CHD6: variants seen among roughly 807,000 people sequenced by gnomAD.
CHD6 encodes the protein ATP-dependent chromatin remodeler CHD6.
Under a neutral mutation model 276.9 loss-of-function variants are expected in CHD6, and 50 were observed. The observed-to-expected ratio is 0.18, with a 90% confidence interval of 0.14 to 0.23. The LOEUF (loss-of-function observed/expected upper bound fraction) is 0.23. CHD6 is among the 10% of genes least tolerant of loss of function. The pLI is 1.00. For missense variants in CHD6, 2,564 were observed against 3,365.8 expected, an observed-to-expected ratio of 0.76 and a Z score of 5.89; for synonymous variants, 1,173 against 1,229.3, an observed-to-expected ratio of 0.95 and a Z score of 0.96.
At chr20:41,583,260 G>A (rs1219748494) in intron 1 of CHD6, among the ~76,000 whole-genome samples, 1 of 151,962 alleles carries the variant, frequency 6.6e-6, no homozygotes, top group Non-Finnish European at 1.5e-5. Flanking sequence ...AAGTTAAACA[G>A]AAAATCTTAA....
chr20:41,481,685 T>G (rs2043298547), intron 16 of CHD6, among the ~76,000 whole-genome samples: 1 of 152,052 alleles, frequency 6.6e-6, no homozygotes. Context: ...TGCACTGACA[T>G]TTATCCTAAA....
At position 41,405,030 on chromosome 20, in the gene CHD6, C is replaced by T. The variant is rs1179703326; in HGVS notation, c.7711G>A (p.Asp2571Asn). ...GTAVTEKTAEDKPSSHDVKTD... is the reference protein window; with the variant it reads ...GTAVTEKTAENKPSSHDVKTD... Reference sequence around the variant, plus strand: ...TTCACATCATGGCTACTCGGCTTGTCTTCCGCAGTCTTTTCAGTCACTGCC... The same window carrying T: ...TTCACATCATGGCTACTCGGCTTGTTTTCCGCAGTCTTTTCAGTCACTGCC... Residue 2571 changes from aspartate (D) to asparagine (N), a missense_variant, in exon 37 of 37, where the codon GAC (aspartate) becomes AAC (asparagine). Physicochemically the swap from Asp to Asn is conservative, Grantham distance 23. Around this residue, in one of 7 missense-constraint regions of CHD6, gnomAD observed 238 missense variants for 266.0 expected, o/e 0.89. Transcript: ENST00000373233. 3 of 1,614,148 alleles carry T rather than the reference C, an allele frequency of 1.9e-6. No homozygotes were observed. The highest frequency in any genetic ancestry group is 2.5e-6 in the Non-Finnish European group (3 of 1,180,062).
chr20:41,419,554 CAAAAAAAAAAAAAAAAAAAAAAAAA>C (rs58696183), intron 31 of CHD6, among the ~76,000 whole-genome samples: 3 of 23,468 alleles, frequency 1.3e-4, no homozygotes, highest in African/African-American at 1.6e-4. Flanking sequence ...GACTCTGTCT[CAAAAAAAAAAAAAAAAAAAAAAAAA>C]AAAAAAAAAA....
At chr20:41,500,988 C>T (rs2043817203) in intron 5 of CHD6, among the ~76,000 whole-genome samples, 2 of 152,086 alleles carry the variant, frequency 1.3e-5, no homozygotes, top group African/African-American at 4.8e-5. Context: ...AGCAAAGGGC[C>T]AAAGCTAGGT....
At chr20:41,570,068 T>C (rs1277214263) in intron 1 of CHD6, among the ~76,000 whole-genome samples, 1 of 152,190 alleles carries the variant, frequency 6.6e-6, no homozygotes, top group Admixed American at 6.5e-5. Flanking sequence ...TACAACAAAT[T>C]TCCAAACTGC....
chr20:41,408,736 C>T (rs371295004), intron 36 of CHD6, among the ~76,000 whole-genome samples: 1 of 152,168 alleles, frequency 6.6e-6, no homozygotes, highest in African/African-American at 2.4e-5. Flanking sequence ...CCTCATAACT[C>T]CAGAGAGAGG....
At chr20:41,563,672 G>A (rs1466824883) in intron 1 of CHD6, among the ~76,000 whole-genome samples, 2 of 152,192 alleles carry the variant, frequency 1.3e-5, no homozygotes, top group East Asian at 1.9e-4. Context: ...AAGAACAGTA[G>A]AAGCAAGTGG....
At position 41,426,096 on chromosome 20, in the gene CHD6, C is replaced by A; in HGVS notation, c.4126G>T (p.Ala1376Ser). Residue 1376 changes from alanine (A) to serine (S), a missense_variant, in exon 28 of 37, where the codon GCA becomes TCA. Ala to Ser is a moderately conservative substitution (Grantham distance 99). Around this residue, in one of 7 missense-constraint regions of CHD6, gnomAD observed 515 missense variants for 739.5 expected, o/e 0.70. Coordinates refer to ENST00000373233, the MANE Select transcript of CHD6 (RefSeq NM_032221.5). ...VFSEKKDDSR[A>S]AQDGSDPDKS... ...CTTCAGAAGGACATAGTCTCACCTG[C>A]CCGGCTGTCATCCTTCTTTTCGCTA... is the stretch of plus-strand genomic sequence containing the variant. 1 of 1,608,638 alleles carries A rather than the reference C, an allele frequency of 6.2e-7. No homozygotes were observed. The highest frequency in any genetic ancestry group is 8.5e-7 in the Non-Finnish European group (1 of 1,174,954).
chr20:41,601,943 C>T (rs1485643849), intron 1 of CHD6, among the ~76,000 whole-genome samples: 1 of 152,194 alleles, frequency 6.6e-6, no homozygotes, highest in African/African-American at 2.4e-5. Context: ...TGAGCCTCTC[C>T]ACCCTGGCTT....
In CHD6 at chr20:41,617,866, C is replaced by CGCGGGG. The variant is rs1351013603; in HGVS notation, c.-24+468_-24+473dup. ...CAGGACGCGAATAGAGCAACTTCTC[C>CGCGGGG]GCGGGGGCGGCGGCGGGAATAGCGG... On this transcript the variant is annotated intron_variant, in intron 1 of 36. Transcript: ENST00000373233. Among the ~76,000 whole-genome samples, 43 of 151,018 alleles carry CGCGGGG rather than the reference C, an allele frequency of 2.8e-4. No homozygotes were observed. In the East Asian group the frequency reaches 4.9e-3, roughly 17 times the overall value.
intron 1 of CHD6, among the ~76,000 whole-genome samples, chr20:41,556,648 A>G (rs2045242133): frequency 6.6e-6 from 1 of 152,248 alleles, no homozygotes; most frequent in South Asian, 2.1e-4. Context: ...AGTTCACTGA[A>G]AGCAGACTCT....
At chr20:41,490,436 A>G (rs8183115) in intron 11 of CHD6, among the ~76,000 whole-genome samples, 35,204 of 152,208 alleles carry the variant, frequency 0.23, 4,241 homozygotes, top group East Asian at 0.39. Flanking sequence ...AGGCAATTGT[A>G]ACACCATAGT....
chr20:41,481,695 A>G (rs1305355676), intron 16 of CHD6, among the ~76,000 whole-genome samples: 1 of 152,120 alleles, frequency 6.6e-6, no homozygotes, highest in East Asian at 1.9e-4. Context: ...TTTATCCTAA[A>G]GAAATAATGA....
chr20:41,494,278 TAC>T (rs2043623770), intron 8 of CHD6, among the ~76,000 whole-genome samples: 1 of 152,160 alleles, frequency 6.6e-6, no homozygotes. Flanking sequence ...AACTAGGAAT[TAC>T]AGTTTCTTTT....
At chr20:41,603,251 C>T (rs1277025729) in intron 1 of CHD6, among the ~76,000 whole-genome samples, 1 of 151,994 alleles carries the variant, frequency 6.6e-6, no homozygotes, top group East Asian at 1.9e-4. Flanking sequence ...CCGTGGGAGG[C>T]TGAGGCTTTG....
chr20:41,497,001 TTCTC>T (rs2043702779), intron 8 of CHD6: 1 of 177,228 alleles, frequency 5.6e-6, no homozygotes, highest in African/African-American at 2.4e-5. Flanking sequence ...TTTGTTTACT[TTCTC>T]TCACTTTTAG....
At chr20:41,492,691 G>A (rs1224212697) in intron 10 of CHD6, among the ~76,000 whole-genome samples, 1 of 152,264 alleles carries the variant, frequency 6.6e-6, no homozygotes, top group African/African-American at 2.4e-5. Context: ...GGGAGGCCAA[G>A]ACAGGCGGAT....
At chr20:41,476,643 A>C (rs1196327207) in intron 16 of CHD6, among the ~76,000 whole-genome samples, 1 of 152,202 alleles carries the variant, frequency 6.6e-6, no homozygotes, top group Non-Finnish European at 1.5e-5. Context: ...TGCTTTGTTC[A>C]CCATTATGAC....
chr20:41,537,428 G>T (rs1300002013), intron 2 of CHD6, among the ~76,000 whole-genome samples: 1 of 152,180 alleles, frequency 6.6e-6, no homozygotes, highest in African/African-American at 2.4e-5. Flanking sequence ...TGTATGAGAA[G>T]ATGTGTATGG....
Sources: allele counts gnomAD v4.1 joint callset (sites outside exome capture counted in the v4.1 genomes callset), GRCh38; gene constraint gnomAD v4.1.1; regional missense constraint gnomAD v4.1.1; transcripts MANE v1.5; gene names NCBI Gene and HGNC (gene_info 2026-07-23, HGNC 2026-07-21).